ENOX2: variants seen among roughly 807,000 people sequenced by gnomAD.
The protein encoded by ENOX2 is ecto-NOX disulfide-thiol exchanger 2.
A neutral mutation model predicts 45.0 loss-of-function variants in ENOX2; 36 were observed. The observed-to-expected ratio is 0.80, with a 90% CI of 0.61 to 1.06. ENOX2 has a LOEUF of 1.06. Among genes scored for constraint, ENOX2 ranks in the 50% least tolerant of loss-of-function variants. The pLI is 0.00. For synonymous variants in ENOX2, 174 were observed against 152.3 expected (o/e 1.14, Z -1.05); for missense variants, 423 against 462.5 (o/e 0.91, Z 0.78).
chrX:130,732,613 G>A (rs1049759949), intron 3 of ENOX2, among the ~76,000 whole-genome samples: 18 of 111,075 alleles, frequency 1.6e-4, no homozygotes, highest in South Asian at 3.8e-4. Flanking sequence ...TTACAAAGTC[G>A]AAGTAATCAA....
chrX:130,767,805 C>T (rs2039651510), intron 3 of ENOX2, among the ~76,000 whole-genome samples: 1 of 112,098 alleles, frequency 8.9e-6, no homozygotes, highest in Admixed American at 9.5e-5. Context: ...AAGTGCACTG[C>T]ATACTTATTT....
At chrX:130,879,898 A>AT (rs1303540187) in intron 2 of ENOX2, among the ~76,000 whole-genome samples, 2 of 111,519 alleles carry the variant, frequency 1.8e-5, no homozygotes, top group African/African-American at 6.5e-5. Context: ...AGAAGTTAAA[A>AT]TTTTCCTTTA....
chrX:130,749,822 C>G (rs1167224061), intron 3 of ENOX2, among the ~76,000 whole-genome samples: 1 of 109,762 alleles, frequency 9.1e-6, no homozygotes, highest in Non-Finnish European at 1.9e-5. Context: ...TTGTCTATGT[C>G]ATAGCACATC....
intron 2 of ENOX2, among the ~76,000 whole-genome samples, chrX:130,788,987 A>G (rs961701759): frequency 4.9e-5 from 5 of 102,878 alleles, no homozygotes. Context: ...CTGTTATTTC[A>G]TGTCATGTTG....
At chrX:130,758,716 A>T (rs2039408227) in intron 3 of ENOX2, among the ~76,000 whole-genome samples, 1 of 111,596 alleles carries the variant, frequency 9.0e-6, no homozygotes, top group South Asian at 3.8e-4. Flanking sequence ...GTTTCTCTGA[A>T]TCCTGGCCAG....
chrX:130,898,363 G>A (rs372738260), intron 2 of ENOX2, among the ~76,000 whole-genome samples: 3 of 111,913 alleles, frequency 2.7e-5, no homozygotes, highest in East Asian at 5.6e-4. Flanking sequence ...ATAAAAATAC[G>A]CAAAAGGTTA....
intron 10 of ENOX2, among the ~76,000 whole-genome samples, chrX:130,643,365 T>C (rs2036141813): frequency 9.0e-6 from 1 of 111,018 alleles, no homozygotes; most frequent in Non-Finnish European, 1.9e-5. Flanking sequence ...TAAAAAATTA[T>C]TGATCTAAGT....
chrX:130,895,688 C>T (rs1390949612), intron 2 of ENOX2, among the ~76,000 whole-genome samples: 1 of 111,787 alleles, frequency 8.9e-6, no homozygotes, highest in Non-Finnish European at 1.9e-5. Context: ...AGTAAGAGAC[C>T]ACTGAAAAAC....
At chrX:130,860,328 C>A (rs993421470) in intron 2 of ENOX2, among the ~76,000 whole-genome samples, 13 of 111,928 alleles carry the variant, frequency 1.2e-4, no homozygotes, top group African/African-American at 3.9e-4. Flanking sequence ...TTCACTCCCA[C>A]GGATTTCTTT....
At chrX:130,832,464 CA>C (rs1468539848) in intron 2 of ENOX2, among the ~76,000 whole-genome samples, 344 of 109,302 alleles carry the variant, frequency 3.1e-3, no homozygotes, top group African/African-American at 0.011. Flanking sequence ...CACACACACA[CA>C]CACACCCCAC....
chrX:130,706,472 G>C (rs2038040078), intron 3 of ENOX2, among the ~76,000 whole-genome samples: 1 of 111,200 alleles, frequency 9.0e-6, no homozygotes, highest in Admixed American at 9.5e-5. Flanking sequence ...ATTGGGGTAA[G>C]AAGAGCATTC....
chrX:130,747,986 T>C (rs2039134024), intron 3 of ENOX2, among the ~76,000 whole-genome samples: 1 of 112,299 alleles, frequency 8.9e-6, no homozygotes, highest in South Asian at 3.7e-4. Flanking sequence ...AGTTACATAG[T>C]TAGAGGAAAA....
chrX:130,720,275 G>A (rs1258811570), intron 3 of ENOX2, among the ~76,000 whole-genome samples: 1 of 112,287 alleles, frequency 8.9e-6, no homozygotes, highest in Non-Finnish European at 1.9e-5. Flanking sequence ...AAAGCAGGTC[G>A]ATATTGATGG....
intron 10 of ENOX2, among the ~76,000 whole-genome samples, chrX:130,650,095 T>G (rs1037404591): frequency 6.2e-5 from 7 of 112,455 alleles, no homozygotes; most frequent in Non-Finnish European, 9.4e-5. Context: ...TGATATTTCA[T>G]TTTCCTCCTT....
chrX:130,808,808 T>C (rs2077346876), intron 2 of ENOX2, among the ~76,000 whole-genome samples: 2 of 111,959 alleles, frequency 1.8e-5, no homozygotes, highest in African/African-American at 6.5e-5. Context: ...GCACTTTCAG[T>C]CTCTATCATC....
At chrX:130,762,989 C>T (rs1486176713) in intron 3 of ENOX2, among the ~76,000 whole-genome samples, 1 of 111,466 alleles carries the variant, frequency 9.0e-6, no homozygotes, top group African/African-American at 3.3e-5. Context: ...TTTTGTTTCA[C>T]ACATTTTGCA....
At chrX:130,777,423 G>T (rs1483003369) in intron 3 of ENOX2, among the ~76,000 whole-genome samples, 3 of 107,910 alleles carry the variant, frequency 2.8e-5, no homozygotes, top group Admixed American at 9.9e-5. Context: ...ATCACCTGAG[G>T]CTTGGGAGGT....
At chrX:130,715,275 T>C (rs1166991552) in intron 3 of ENOX2, among the ~76,000 whole-genome samples, 1 of 111,491 alleles carries the variant, frequency 9.0e-6, no homozygotes, top group African/African-American at 3.3e-5. Context: ...ATAAGTCAGG[T>C]GGTAAATCCT....
intron 10 of ENOX2, among the ~76,000 whole-genome samples, chrX:130,649,840 G>C (rs887506885): frequency 9.0e-6 from 1 of 111,525 alleles, no homozygotes; most frequent in Non-Finnish European, 1.9e-5. Context: ...TACTATGAGT[G>C]AAGATGATTT....
Sources: gnomAD v4.1 joint callset for allele counts (sites outside exome capture counted in the v4.1 genomes callset) on GRCh38, gnomAD v4.1.1 for gene constraint, MANE v1.5 for transcripts, NCBI Gene and HGNC (gene_info 2026-07-23, HGNC 2026-07-21) for gene names.